The following ELP4 variants were observed in gnomAD, a reference collection of about 807,000 sequenced individuals.
The protein encoded by ELP4 is elongator complex protein 4.
ELP4 carries 51 observed loss-of-function variants against 48.9 expected under a neutral mutation model. The observed-to-expected ratio is 1.04, with a 90% CI of 0.83 to 1.32. The LOEUF is 1.32. Among genes scored for constraint, ELP4 ranks in the 40% most tolerant of loss-of-function variants. The probability of loss-of-function intolerance (pLI) is 0.00; values close to 1 mark genes in which losing one functional copy is unlikely to be tolerated. For missense variants in ELP4, 519 were observed against 514.6 expected (o/e 1.01, Z -0.08); for synonymous variants, 210 against 189.2 (o/e 1.11, Z -0.90).
At chr11:31,652,370 T>C (rs913022462) in intron 9 of ELP4, 1 of 151,696 alleles carries the variant, frequency 6.6e-6, no homozygotes, top group African/African-American at 2.4e-5. Flanking sequence ...TAGAATAGAA[T>C]AAAATCATGT....
In ELP4 at chr11:31,509,953, C is replaced by T. The variant is rs760900316; in HGVS notation, c.169C>T (p.Arg57Trp). Residue 57 changes from arginine to tryptophan, a missense_variant, in exon 1 of 10, where the codon CGG (arginine) becomes TGG (tryptophan). Physicochemically the swap from Arg to Trp is moderately radical, Grantham distance 101 (BLOSUM62 -3). Coordinates refer to ENST00000640961, the MANE Select transcript of ELP4 (RefSeq NM_019040.5). ...VSIAGTRPSV[R>W]NGQLLVSTGL... ...CATTGCGGGCACGCGACCGTCGGTG[C>T]GGAATGGACAGCTGCTGGTATCAAC... 1.2e-6 allele frequency: 2 copies of T among 1,613,184 alleles called. No homozygotes were observed. The highest frequency in any genetic ancestry group is 8.5e-7 in the Non-Finnish European group (1 of 1,180,028).
intron 6 of ELP4, among the ~76,000 whole-genome samples, chr11:31,631,928 G>A (rs1401756324): frequency 6.6e-6 from 1 of 151,958 alleles, no homozygotes; most frequent in East Asian, 1.9e-4. Context: ...TATTTTAAGT[G>A]CATTAAATAT....
intron 4 of ELP4, among the ~76,000 whole-genome samples, chr11:31,596,040 C>T (rs1472551216): frequency 1.3e-5 from 2 of 152,120 alleles, no homozygotes; most frequent in Non-Finnish European, 2.9e-5. Context: ...ATGTTACTAC[C>T]TCTTATGGCT....
chr11:31,669,007 C>T (rs538816320), intron 9 of ELP4, among the ~76,000 whole-genome samples: 2 of 152,148 alleles, frequency 1.3e-5, no homozygotes, highest in South Asian at 2.1e-4. Flanking sequence ...TCTCAAACTT[C>T]GACTTGCAGC....
At chr11:31,541,001 G>A (rs1453601910) in intron 3 of ELP4, among the ~76,000 whole-genome samples, 2 of 152,116 alleles carry the variant, frequency 1.3e-5, no homozygotes, top group African/African-American at 4.8e-5. Context: ...GTCCATAACA[G>A]AATCCTAATT....
chr11:31,568,151 A>G (rs2984807), intron 3 of ELP4, among the ~76,000 whole-genome samples: 54,783 of 152,108 alleles, frequency 0.36, 12,164 homozygotes, highest in African/African-American at 0.62. Context: ...TAGCATTTCT[A>G]TACACCAATA....
chr11:31,775,592 T>A (rs769983407), intron 9 of ELP4, among the ~76,000 whole-genome samples: 2 of 152,082 alleles, frequency 1.3e-5, no homozygotes, highest in African/African-American at 4.8e-5. Context: ...CTCAGCACTT[T>A]CGGAGGCCAA....
chr11:31,605,852 A>G (rs1282623175), intron 5 of ELP4, among the ~76,000 whole-genome samples: 1 of 152,146 alleles, frequency 6.6e-6, no homozygotes, highest in African/African-American at 2.4e-5. Flanking sequence ...ATTTCAGGTT[A>G]GAGTTGCTAA....
intron 2 of ELP4, 116 bp downstream of exon 2, chr11:31,520,207 ATAAAT>A (rs939528948): frequency 1.2e-6 from 1 of 848,486 alleles, no homozygotes; most frequent in Non-Finnish European, 1.8e-6. Context: ...AGAAGTTAAG[ATAAAT>A]TAGAGAGGAA....
chr11:31,600,907 C>T (rs985552699), intron 4 of ELP4, among the ~76,000 whole-genome samples: 3 of 152,070 alleles, frequency 2.0e-5, no homozygotes, highest in African/African-American at 7.2e-5. Context: ...CCGTTTTCCT[C>T]CTGTACCCCC....
intron 7 of ELP4, chr11:31,646,702 A>G (rs546830826): frequency 3.3e-5 from 5 of 151,832 alleles, no homozygotes; most frequent in South Asian, 2.1e-4. Flanking sequence ...GGGCATTACC[A>G]TTGTATAAAA....
chr11:31,734,571 A>G (rs1005131995), intron 9 of ELP4, among the ~76,000 whole-genome samples: 1 of 152,238 alleles, frequency 6.6e-6, no homozygotes, highest in African/African-American at 2.4e-5. Flanking sequence ...CTAGCACTAA[A>G]CAGTCAAAAG....
chr11:31,517,509 GACT>G (rs1231840077), intron 1 of ELP4, among the ~76,000 whole-genome samples: 2 of 152,016 alleles, frequency 1.3e-5, no homozygotes, highest in Admixed American at 1.3e-4. Context: ...TGACAAATGT[GACT>G]ACAAAACTTT....
intron 3 of ELP4, among the ~76,000 whole-genome samples, chr11:31,540,080 T>C (rs1419021977): frequency 6.6e-6 from 1 of 152,196 alleles, no homozygotes; most frequent in Non-Finnish European, 1.5e-5. Context: ...ACAAAAGTCA[T>C]GCTTAATAGC....
intron 2 of ELP4, among the ~76,000 whole-genome samples, chr11:31,526,895 C>T (rs1338171260): frequency 6.6e-6 from 1 of 152,004 alleles, no homozygotes; most frequent in African/African-American, 2.4e-5. Flanking sequence ...AATCTTCCCT[C>T]TTAACCCTAT....
chr11:31,788,741 T>C lies in ELP4; in HGVS notation c.*5217T>C. On this transcript the variant is annotated 3_prime_UTR_variant, in exon 10 of 10. Transcript: ENST00000640961. ...TGTTGTGGGTATAAATGGGCACAGA[T>C]CTACACCCTGCTGTAAGTGGAATTT... is the stretch of plus-strand genomic sequence containing the variant. The C allele has an allele frequency of 1.4e-5, 3 of 212,558 alleles. No individual in the cohort carries two copies. The highest frequency in any genetic ancestry group is 2.9e-5 in the Non-Finnish European group (3 of 104,454). 13.2% of individuals were successfully genotyped at this position (212,558 alleles called of 1,614,324 possible). A position where few individuals can be genotyped will look rare whatever the true frequency, so the allele number is the denominator to read the frequency against.
At chr11:31,694,809 A>G (rs1396542037) in intron 9 of ELP4, among the ~76,000 whole-genome samples, 1 of 152,072 alleles carries the variant, frequency 6.6e-6, no homozygotes, top group Non-Finnish European at 1.5e-5. Flanking sequence ...ATATTCTTCC[A>G]TTTGTTTTTA....
chr11:31,665,547 A>G (rs1371010923), intron 9 of ELP4, among the ~76,000 whole-genome samples: 2 of 151,978 alleles, frequency 1.3e-5, no homozygotes, highest in Non-Finnish European at 2.9e-5. Flanking sequence ...TTATTGATAT[A>G]CCATAATCAT....
chr11:31,592,202 T>C (rs1043675815), intron 3 of ELP4, among the ~76,000 whole-genome samples: 2 of 152,188 alleles, frequency 1.3e-5, no homozygotes, highest in African/African-American at 4.8e-5. Flanking sequence ...ACCAAATTTT[T>C]TACTTAAAAT....
Sources: gnomAD v4.1 joint callset for allele counts (sites outside exome capture counted in the v4.1 genomes callset) on GRCh38, gnomAD v4.1.1 for gene constraint, MANE v1.5 for transcripts, NCBI Gene and HGNC (gene_info 2026-07-23, HGNC 2026-07-21) for gene names.